The following DCC variants were observed in gnomAD, a reference collection of about 807,000 sequenced individuals.
The protein encoded by DCC is DCC netrin 1 receptor.
In DCC, 58 loss-of-function variants were observed where a neutral mutation model predicts 172.5. The observed-to-expected ratio is 0.34, with a 90% CI of 0.27 to 0.42. The LOEUF is 0.42. DCC is among the 10% of genes least tolerant of loss of function. The probability of loss-of-function intolerance (pLI) is 1.00; values close to 1 mark genes in which losing one functional copy is unlikely to be tolerated. For missense variants in DCC, 1,740 were observed against 1,791.0 expected (o/e 0.97, Z 0.51); for synonymous variants, 709 against 644.5 (o/e 1.10, Z -1.52).
intron 1 of DCC, among the ~76,000 whole-genome samples, chr18:52,531,356 GA>G (rs2144684568): frequency 6.6e-6 from 1 of 152,242 alleles, no homozygotes; most frequent in East Asian, 1.9e-4. Context: ...AAGCAGACTG[GA>G]AAAGGCTGAA....
intron 1 of DCC, among the ~76,000 whole-genome samples, chr18:52,711,788 G>T (rs181698664): frequency 6.6e-6 from 1 of 152,262 alleles, no homozygotes; most frequent in East Asian, 1.9e-4. Context: ...TAATAGCATG[G>T]CATGTGTCCC....
chr18:53,495,970 G>T (rs1368386438), intron 26 of DCC, among the ~76,000 whole-genome samples: 1 of 152,168 alleles, frequency 6.6e-6, no homozygotes, highest in African/African-American at 2.4e-5. Context: ...GGACTTATAG[G>T]TAAAAACCCC....
intron 1 of DCC, among the ~76,000 whole-genome samples, chr18:52,636,268 A>G (rs1430490615): frequency 6.6e-6 from 1 of 152,138 alleles, no homozygotes; most frequent in Admixed American, 6.5e-5. Context: ...AGGGGCTAAA[A>G]CTACACGGGG....
At chr18:52,707,651 T>A (rs538724741) in intron 1 of DCC, among the ~76,000 whole-genome samples, 1 of 152,272 alleles carries the variant, frequency 6.6e-6, no homozygotes, top group Non-Finnish European at 1.5e-5. Flanking sequence ...AAAAAATGTA[T>A]CTATACACAA....
intron 5 of DCC, among the ~76,000 whole-genome samples, chr18:53,037,242 G>C (rs752412088): frequency 6.6e-6 from 1 of 152,006 alleles, no homozygotes; most frequent in South Asian, 2.1e-4. Flanking sequence ...GGTGCAAATG[G>C]TGTCAAGTCC....
intron 27 of DCC, among the ~76,000 whole-genome samples, chr18:53,517,113 C>T (rs1381479851): frequency 1.4e-5 from 2 of 141,176 alleles, no homozygotes; most frequent in Non-Finnish European, 3.1e-5. Context: ...GAATACTATG[C>T]AGCCATAAAA....
chr18:52,398,113 TTAACTTTGACGG>T (rs138069788), intron 1 of DCC, among the ~76,000 whole-genome samples: 1 of 123,196 alleles, frequency 8.1e-6, no homozygotes, highest in Non-Finnish European at 1.9e-5. Context: ...GGGTAATGCT[TTAACTTTGACGG>T]TACATACATT....
At chr18:53,348,438 T>C (rs1246701679) in intron 15 of DCC, among the ~76,000 whole-genome samples, 1 of 152,160 alleles carries the variant, frequency 6.6e-6, no homozygotes, top group Non-Finnish European at 1.5e-5. Context: ...CCTGGCTGCT[T>C]TTATAGGCTG....
At chr18:52,883,534 C>A (rs2039524208) in intron 2 of DCC, among the ~76,000 whole-genome samples, 1 of 151,866 alleles carries the variant, frequency 6.6e-6, no homozygotes, top group South Asian at 2.1e-4. Context: ...ATAACTCACT[C>A]TTTTAAATTG....
chr18:52,340,870 A>G lies in DCC; in HGVS notation c.83A>G (p.Gln28Arg), dbSNP rs1256227910. 1 of 1,613,174 alleles carries G rather than the reference A, an allele frequency of 6.2e-7. No homozygotes were observed. ...GCTTCCTTGTTCAGCGCGCATCTTC[A>G]AGTAACCGGTAAGTGGCTCTTTCCT... is the stretch of plus-strand genomic sequence containing the variant. Reference protein sequence around the residue: ...FGASLFSAHLQVTGFQIKAFT... With the variant: ...FGASLFSAHLRVTGFQIKAFT... The change falls in exon 1 of 29, where the codon CAA becomes CGA. Residue 28 changes from glutamine to arginine, a missense_variant. Coordinates refer to ENST00000442544, the MANE Select transcript of DCC (RefSeq NM_005215.4).
chr18:53,080,291 G>A (rs555931072), intron 7 of DCC, among the ~76,000 whole-genome samples: 1 of 152,194 alleles, frequency 6.6e-6, no homozygotes, highest in African/African-American at 2.4e-5. Context: ...TTAAGAAAGA[G>A]GAAGAATGAC....
chr18:52,798,550 T>TAAA (rs553222827), intron 2 of DCC, among the ~76,000 whole-genome samples: 223 of 151,992 alleles, frequency 1.5e-3, no homozygotes, highest in African/African-American at 3.1e-3. Flanking sequence ...TTTTCTTTGT[T>TAAA]AAAAAATAAA....
At chr18:53,069,533 G>T (rs1599094737) in intron 7 of DCC, among the ~76,000 whole-genome samples, 1 of 151,806 alleles carries the variant, frequency 6.6e-6, no homozygotes, top group African/African-American at 2.4e-5. Context: ...CAGCCAGAGA[G>T]TGCTTTGCCA....
chr18:52,727,241 G>A (rs1309529166), intron 1 of DCC, among the ~76,000 whole-genome samples: 2 of 152,156 alleles, frequency 1.3e-5, no homozygotes, highest in Admixed American at 1.3e-4. Context: ...ACTGTCATTT[G>A]AAAATGAAAA....
chr18:53,246,078 A>G (rs1022925485), intron 12 of DCC, among the ~76,000 whole-genome samples: 3 of 152,016 alleles, frequency 2.0e-5, no homozygotes, highest in Non-Finnish European at 2.9e-5. Flanking sequence ...GAGACTTGCA[A>G]TCATCATGAC....
intron 9 of DCC, among the ~76,000 whole-genome samples, chr18:53,184,132 A>G (rs2055242707): frequency 6.6e-6 from 1 of 151,950 alleles, no homozygotes; most frequent in Non-Finnish European, 1.5e-5. Context: ...GGCTAATATA[A>G]TACCTCATTT....
chr18:53,278,306 A>G (rs952819578), intron 12 of DCC, among the ~76,000 whole-genome samples: 4 of 152,052 alleles, frequency 2.6e-5, no homozygotes, highest in Non-Finnish European at 2.9e-5. Flanking sequence ...GGAAAGAAAT[A>G]TTTTCTTTCA....
At position 53,179,096 on chromosome 18, in the gene DCC, A is replaced by T; in HGVS notation, c.1553A>T (p.Lys518Met). Residue 518 changes from lysine to methionine, a missense_variant, in exon 9 of 29, where the codon AAG (lysine) becomes ATG (methionine). Lys to Met is a moderately conservative substitution (Grantham distance 95, BLOSUM62 -1). This residue lies in a region of DCC where 1,732 missense variants were observed against 1,767.4 expected (regional missense o/e 0.98). Transcript: ENST00000442544. ...CCGGGAGAGAGTTCTCAACCCATCA[A>T]GGTGGCCACACAGCCTGAGTGTGAG... ...WGPGESSQPI[K>M]VATQPELQVP... 6.2e-7 allele frequency: 1 copy of T among 1,613,932 alleles called. No individual in the cohort carries two copies. The highest frequency in any genetic ancestry group is 8.5e-7 in the Non-Finnish European group (1 of 1,179,926).
intron 1 of DCC, among the ~76,000 whole-genome samples, chr18:52,697,300 T>C (rs1805614069): frequency 6.6e-6 from 1 of 152,236 alleles, no homozygotes; most frequent in African/African-American, 2.4e-5. Flanking sequence ...TGTGGAAGTT[T>C]ACTGTTATCC....
Sources: allele counts gnomAD v4.1 joint callset (sites outside exome capture counted in the v4.1 genomes callset), GRCh38; gene constraint gnomAD v4.1.1; regional missense constraint gnomAD v4.1.1; transcripts MANE v1.5; gene names NCBI Gene and HGNC (gene_info 2026-07-23, HGNC 2026-07-21).